The following PLCB1 variants were observed in gnomAD, a reference collection of about 807,000 sequenced individuals.
PLCB1 encodes 1-phosphatidylinositol 4,5-bisphosphate phosphodiesterase beta-1.
A neutral mutation model predicts 161.8 loss-of-function variants in PLCB1; 46 were observed. The observed-to-expected ratio is 0.28, with a 90% confidence interval of 0.22 to 0.36. PLCB1 has a LOEUF of 0.36. Ranked by LOEUF, PLCB1 falls within the 10% of genes least tolerant of loss-of-function variation. PLCB1 has a pLI of 1.00. For missense variants in PLCB1, 1,016 were observed against 1,472.5 expected (o/e 0.69, Z 5.07); for synonymous variants, 517 against 503.7 (o/e 1.03, Z -0.35).
In PLCB1 at chr20:8,733,279, G is replaced by A. The variant is rs781536705; in HGVS notation, c.1930G>A (p.Gly644Arg). 5.6e-6 allele frequency: 9 copies of A among 1,613,760 alleles called. No homozygotes were observed. The highest frequency in any genetic ancestry group is 4.5e-5 in the East Asian group (2 of 44,848). Residue 644 changes from glycine to arginine, a missense_variant, in exon 19 of 32, where the codon GGG becomes AGG. Around this residue, in one of 10 missense-constraint regions of PLCB1, gnomAD observed 67 missense variants for 195.6 expected, o/e 0.34. Coordinates refer to ENST00000338037, the MANE Select transcript of PLCB1 (RefSeq NM_015192.4). ...AAATATGGGGATGTATGAATACAACGGGAAGAGTGGCTACAGATTGAAGCC... is the reference window on the plus strand; with the variant it reads ...AAATATGGGGATGTATGAATACAACAGGAAGAGTGGCTACAGATTGAAGCC... Reference protein sequence around the residue: ...QINMGMYEYNGKSGYRLKPEF... With the variant: ...QINMGMYEYNRKSGYRLKPEF...
intron 2 of PLCB1, among the ~76,000 whole-genome samples, chr20:8,325,062 A>G (rs949938362): frequency 1.3e-5 from 2 of 152,218 alleles, no homozygotes; most frequent in African/African-American, 4.8e-5. Context: ...TTATTCATGT[A>G]ATAATCATGC....
rs368851422 is a variant in PLCB1, at chr20:8,499,579, GTTTAAA to G, written c.246+128134_246+128139del. On this transcript the variant is annotated intron_variant, in intron 3 of 31. Transcript: ENST00000338037. ...TAAAATTTAGAACATTTTGGTTGTT[GTTTAAA>G]TTTATATAAGCTTGTTTTATTCTTG... 2.7e-3 allele frequency among the ~76,000 whole-genome samples: 409 copies of G among 152,246 alleles called. 2 individuals are homozygous for G. The highest frequency in any genetic ancestry group is 9.0e-3 in the African/African-American group (375 of 41,562).
intron 2 of PLCB1, among the ~76,000 whole-genome samples, chr20:8,177,470 G>T (rs1054644404): frequency 3.9e-5 from 6 of 152,052 alleles, no homozygotes; most frequent in Non-Finnish European, 8.8e-5. Flanking sequence ...AAATAAATAT[G>T]ACTGCTCTGG....
chr20:8,258,583 T>C (rs950282516), intron 2 of PLCB1, among the ~76,000 whole-genome samples: 16 of 152,176 alleles, frequency 1.1e-4, no homozygotes, highest in African/African-American at 3.4e-4. Context: ...TTGCATAGAC[T>C]GGAATTCATT....
chr20:8,862,007 T>C (rs1285856474), intron 31 of PLCB1, among the ~76,000 whole-genome samples: 1 of 152,212 alleles, frequency 6.6e-6, no homozygotes, highest in Non-Finnish European at 1.5e-5. Flanking sequence ...TTCTTTAAAA[T>C]TGTATTTCCT....
chr20:8,408,720 G>C (rs2122502268), intron 3 of PLCB1, among the ~76,000 whole-genome samples: 1 of 152,198 alleles, frequency 6.6e-6, no homozygotes, highest in East Asian at 1.9e-4. Flanking sequence ...AAATCACACT[G>C]TAAAAAAAGT....
intron 3 of PLCB1, among the ~76,000 whole-genome samples, chr20:8,513,193 A>T (rs1983966790): frequency 1.3e-5 from 2 of 152,236 alleles, no homozygotes; most frequent in African/African-American, 4.8e-5. Flanking sequence ...AGCAAAGTTG[A>T]TCAAAGACAA....
intron 31 of PLCB1, among the ~76,000 whole-genome samples, chr20:8,804,472 CTT>C (rs1342993093): frequency 4.6e-5 from 7 of 152,088 alleles, no homozygotes; most frequent in Non-Finnish European, 7.4e-5. Flanking sequence ...ATATTTCACA[CTT>C]TTCATGTCAA....
chr20:8,349,743 A>G (rs894595316), intron 2 of PLCB1, among the ~76,000 whole-genome samples: 1 of 152,194 alleles, frequency 6.6e-6, no homozygotes, highest in African/African-American at 2.4e-5. Flanking sequence ...GCTGAGTAAG[A>G]TAGAGCAATG....
rs79543629 is a variant in PLCB1 at position 8,421,200 on chromosome 20, A to G, written c.246+49750A>G. ...TTTGCTTACACAGTTTATATGTGAC[A>G]AAGTTTTGTATGTACCCACTTCTCC... On this transcript the variant is annotated intron_variant, in intron 3 of 31. Transcript: ENST00000338037. Among the ~76,000 whole-genome samples the G allele has an allele frequency of 7.9e-3, 1,204 of 152,318 alleles. 15 individuals carry two copies. Among genetic ancestry groups the G allele is most frequent in the African/African-American group, 0.027 (1,132 of 41,582 alleles).
chr20:8,620,089 G>GCAAT (rs1209928427), intron 3 of PLCB1, among the ~76,000 whole-genome samples: 1 of 152,128 alleles, frequency 6.6e-6, no homozygotes, highest in Non-Finnish European at 1.5e-5. Context: ...GATGATAATA[G>GCAAT]CAATGCCTGG....
intron 3 of PLCB1, among the ~76,000 whole-genome samples, chr20:8,377,384 A>C (rs1250878995): frequency 6.6e-6 from 1 of 152,226 alleles, no homozygotes; most frequent in Non-Finnish European, 1.5e-5. Context: ...TTAGGCCATG[A>C]AAATGACTTG....
intron 1 of PLCB1, among the ~76,000 whole-genome samples, chr20:8,133,794 C>T (rs968748341): frequency 3.3e-5 from 5 of 152,198 alleles, no homozygotes; most frequent in Non-Finnish European, 4.4e-5. Context: ...ACTAATACAT[C>T]TCTTAATCAG....
intron 2 of PLCB1, among the ~76,000 whole-genome samples, chr20:8,178,968 C>T (rs1039734112): frequency 6.6e-6 from 1 of 152,092 alleles, no homozygotes; most frequent in African/African-American, 2.4e-5. Flanking sequence ...TTTCTGGGCT[C>T]TCTATTCGGT....
chr20:8,808,354 CAG>C (rs141575876), intron 31 of PLCB1, among the ~76,000 whole-genome samples: 1 of 151,356 alleles, frequency 6.6e-6, no homozygotes, highest in Non-Finnish European at 1.5e-5. Context: ...TGCACATGCA[CAG>C]AGAGAGAGAG....
intron 2 of PLCB1, among the ~76,000 whole-genome samples, chr20:8,222,177 T>C (rs1402587431): frequency 6.6e-6 from 1 of 152,156 alleles, no homozygotes; most frequent in Non-Finnish European, 1.5e-5. Context: ...AAACACCTTA[T>C]TCACATATTT....
intron 31 of PLCB1, among the ~76,000 whole-genome samples, chr20:8,834,243 G>A (rs961178963): frequency 2.0e-5 from 3 of 152,072 alleles, no homozygotes; most frequent in African/African-American, 4.8e-5. Context: ...GTTGGATGTA[G>A]TAAAAAGAAA....
chr20:8,740,476 T>TG, intron 22 of PLCB1, 28 bp downstream of exon 22: 45 of 1,248,102 alleles, frequency 3.6e-5, no homozygotes, highest in Middle Eastern at 1.9e-4. Context: ...AATACCACTT[T>TG]ACTCAAAGGG....
intron 2 of PLCB1, among the ~76,000 whole-genome samples, chr20:8,320,867 AAAG>A (rs1261806528): frequency 6.0e-5 from 9 of 150,634 alleles, no homozygotes; most frequent in Non-Finnish European, 1.3e-4. Context: ...GAGAGAAAGA[AAAG>A]AAAGAAAAAG....
Sources: allele counts gnomAD v4.1 joint callset (sites outside exome capture counted in the v4.1 genomes callset), GRCh38; gene constraint gnomAD v4.1.1; regional missense constraint gnomAD v4.1.1; transcripts MANE v1.5; gene names NCBI Gene and HGNC (gene_info 2026-07-23, HGNC 2026-07-21).